Variants in ASB4 observed in about 807,000 individuals in gnomAD.
The protein encoded by ASB4 is ankyrin repeat and SOCS box containing 4, also known as ankyrin repeat and SOCS box protein 4.
ASB4 carries 35 observed loss-of-function variants against 38.6 expected under a neutral mutation model. The ratio of observed to expected loss-of-function variants is 0.91; its 90% confidence interval spans 0.69 to 1.20. The LOEUF is 1.20. Ranked by LOEUF, ASB4 falls within the 50% of genes most tolerant of loss-of-function variation. The pLI is 0.00. For synonymous variants in ASB4, 195 were observed against 201.3 expected (o/e 0.97, Z 0.26); for missense variants, 557 against 527.2 (o/e 1.06, Z -0.55).
At chr7:95,503,039 G>A (rs989068048) in intron 2 of ASB4, among the ~76,000 whole-genome samples, 6 of 152,180 alleles carry the variant, frequency 3.9e-5, no homozygotes, top group Admixed American at 3.3e-4. Context: ...AGTATGGACT[G>A]TATAGATGTA....
intron 2 of ASB4, among the ~76,000 whole-genome samples, chr7:95,504,972 A>G (rs1790387788): frequency 6.6e-6 from 1 of 152,212 alleles, no homozygotes; most frequent in Admixed American, 6.5e-5. Context: ...CACTTCAGGA[A>G]ACACAACCTT....
At chr7:95,515,161 C>CTT (rs1790538047) in intron 2 of ASB4, among the ~76,000 whole-genome samples, 1 of 125,856 alleles carries the variant, frequency 7.9e-6, no homozygotes, top group African/African-American at 3.3e-5. Flanking sequence ...TTCTTTCTTT[C>CTT]TCTTTCTCTT....
At chr7:95,498,667 A>G (rs893843620) in intron 2 of ASB4, among the ~76,000 whole-genome samples, 4 of 152,208 alleles carry the variant, frequency 2.6e-5, no homozygotes, top group African/African-American at 9.6e-5. Context: ...TCCTAACAGT[A>G]TCTTTCAAAG....
Position 95,536,518 on chromosome 7 carries a change from T to C in ASB4, c.1060T>C (p.Trp354Arg), listed in dbSNP as rs199517534. The change falls in exon 4 of 5, where the codon TGG becomes CGG. Residue 354 changes from tryptophan (W) to arginine (R), a missense_variant. Trp to Arg is a moderately radical substitution (Grantham distance 101). Transcript: ENST00000325885. ...AYEHIRWNTK[W>R]RRAIPDDDLE... ...TGAACACATCAGATGGAACACAAAG[T>C]GGAGAAGAGCTATCCCCGATGATGA... is the stretch of plus-strand genomic sequence containing the variant. The C allele has an allele frequency of 1.9e-6, 3 of 1,612,588 alleles. No homozygotes were observed. Among genetic ancestry groups the C allele is most frequent in the Admixed American group, 1.7e-5 (1 of 59,982 alleles).
chr7:95,495,875 AC>A lies in ASB4; in HGVS notation c.306del (p.Cys103ValfsTer36). 1 of 1,614,098 alleles carries A rather than the reference AC, an allele frequency of 6.2e-7. No individual in the cohort carries two copies. The highest frequency in any genetic ancestry group is 8.5e-7 in the Non-Finnish European group (1 of 1,180,016). ...CTACTGGACCACAATGCTACAATCA[AC>A]TGTAGACCCAATGGGAAAACCCCTC... Reference protein sequence around the residue: ...LVLLDHNATINCRPNGKTPLH... With the variant: ...LVLLDHNATIXCRPNGKTPLH... On this transcript the variant is annotated frameshift_variant, in exon 2 of 5. Coordinates refer to ENST00000325885, the MANE Select transcript of ASB4 (RefSeq NM_016116.3). LOFTEE classifies it high-confidence loss of function.
chr7:95,483,315 C>A (rs1211322674), upstream of ASB4, among the ~76,000 whole-genome samples: 1 of 152,188 alleles, frequency 6.6e-6, no homozygotes, highest in South Asian at 2.1e-4. Context: ...ACAAAAGTCT[C>A]TTCTAGTTAA....
chr7:95,532,364 T>G (rs2116652137), intron 3 of ASB4, among the ~76,000 whole-genome samples: 1 of 152,232 alleles, frequency 6.6e-6, no homozygotes, highest in Non-Finnish European at 1.5e-5. Flanking sequence ...AATTATAGGG[T>G]CTGCAATTGC....
At chr7:95,517,047 C>A (rs1402959750) in intron 2 of ASB4, among the ~76,000 whole-genome samples, 1 of 152,188 alleles carries the variant, frequency 6.6e-6, no homozygotes, top group Non-Finnish European at 1.5e-5. Context: ...GAAAGTGTTT[C>A]CTATCCCTGT....
At chr7:95,508,337 A>AT (rs1790438121) in intron 2 of ASB4, among the ~76,000 whole-genome samples, 1 of 152,128 alleles carries the variant, frequency 6.6e-6, no homozygotes, top group Non-Finnish European at 1.5e-5. Context: ...TTTGAAGGGC[A>AT]TTTTTTATGT....
Position 95,526,447 on chromosome 7 carries a change from C to T in ASB4, c.488-1366C>T, listed in dbSNP as rs571048875. On this transcript the variant is annotated intron_variant, in intron 2 of 4. Coordinates refer to ENST00000325885, the MANE Select transcript of ASB4 (RefSeq NM_016116.3). ...TGTGCTGCCGGTTGCAACTTTGCAA[C>T]GCATTTTCATACATACTTTCTCTAA... 1.3e-3 allele frequency among the ~76,000 whole-genome samples: 199 copies of T among 147,408 alleles called. 2 individuals are homozygous for T. The highest frequency in any genetic ancestry group is 4.6e-3 in the African/African-American group (182 of 39,540).
chr7:95,490,222 T>G (rs1439242943), intron 1 of ASB4, among the ~76,000 whole-genome samples: 1 of 152,232 alleles, frequency 6.6e-6, no homozygotes, highest in Non-Finnish European at 1.5e-5. Flanking sequence ...TATCCCAATA[T>G]TGTGAAAGCT....
Position 95,528,257 on chromosome 7 carries a change from T to C in ASB4, c.932T>C (p.Leu311Pro). ...CAGCCTGAGATCTGCTACCAGCTCC[T>C]GTTGAACCATGGGGCTGCCCGAATA... ...AAQPEICYQLLLNHGAARIYP... is the reference protein window; with the variant it reads ...AAQPEICYQLPLNHGAARIYP... Residue 311 changes from leucine to proline, a missense_variant, in exon 3 of 5, where the codon CTG (leucine) becomes CCG (proline). By Grantham distance (98) the Leu-to-Pro change is moderately conservative. Coordinates refer to ENST00000325885, the MANE Select transcript of ASB4 (RefSeq NM_016116.3). 6.2e-7 allele frequency: 1 copy of C among 1,614,172 alleles called. No individual in the cohort carries two copies. Among genetic ancestry groups the C allele is most frequent in the East Asian group, 2.2e-5 (1 of 44,870 alleles).
At chr7:95,484,922 C>T (rs2066919817), upstream of ASB4, among the ~76,000 whole-genome samples, 1 of 151,354 alleles carries the variant, frequency 6.6e-6, no homozygotes, top group Admixed American at 6.6e-5. Context: ...GTTTTTGCCA[C>T]ACTTGCTATC....
the ASB4 span, among the ~76,000 whole-genome samples, chr7:95,545,328 T>G: frequency 3.3e-5 from 5 of 152,188 alleles, no homozygotes; most frequent in Non-Finnish European, 7.3e-5. Context: ...GGTTACAGTT[T>G]CAAAGAATTT....
chr7:95,504,330 T>C (rs985392342), intron 2 of ASB4, among the ~76,000 whole-genome samples: 60 of 151,086 alleles, frequency 4.0e-4, no homozygotes, highest in African/African-American at 1.4e-3. Flanking sequence ...TGCTACTTTA[T>C]CTGACAGTGA....
chr7:95,486,434 A>G (rs1047545883), intron 1 of ASB4, among the ~76,000 whole-genome samples: 1 of 152,232 alleles, frequency 6.6e-6, no homozygotes, highest in African/African-American at 2.4e-5. Flanking sequence ...CTCTGTTTTT[A>G]ACTTTTCTTC....
intron 2 of ASB4, among the ~76,000 whole-genome samples, chr7:95,505,582 C>T (rs1392804520): frequency 2.0e-5 from 3 of 151,852 alleles, no homozygotes; most frequent in Admixed American, 2.0e-4. Flanking sequence ...TTTATTTATC[C>T]ATAAAAGTGG....
chr7:95,518,781 G>T (rs1357381869), intron 2 of ASB4, among the ~76,000 whole-genome samples: 1 of 152,156 alleles, frequency 6.6e-6, no homozygotes, highest in African/African-American at 2.4e-5. Flanking sequence ...TGACCCAGAA[G>T]GTTTAGAATT....
chr7:95,480,687 C>T (rs916189356), intron 1 of ASB4, among the ~76,000 whole-genome samples: 6 of 152,174 alleles, frequency 3.9e-5, no homozygotes, highest in Admixed American at 3.3e-4. Context: ...GTCTAACCCC[C>T]GACCTTTGTG....
Sources: allele counts gnomAD v4.1 joint callset (sites outside exome capture counted in the v4.1 genomes callset), GRCh38; gene constraint gnomAD v4.1.1; transcripts MANE v1.5; gene names NCBI Gene and HGNC (gene_info 2026-07-23, HGNC 2026-07-21).